Variants in AKR1C4 observed in about 807,000 individuals in gnomAD.
AKR1C4 encodes the protein 3-alpha-HSD1.
In AKR1C4, 44 loss-of-function variants were observed where a neutral mutation model predicts 41.0. The ratio of observed to expected loss-of-function variants is 1.07; its 90% CI spans 0.84 to 1.38. The LOEUF (loss-of-function observed/expected upper bound fraction) is 1.38, where lower values mean the gene tolerates loss of function less well. AKR1C4 is among the 40% of genes most tolerant of loss of function. AKR1C4 has a pLI of 0.00. For synonymous variants in AKR1C4, 165 were observed against 137.7 expected (o/e 1.20, Z -1.39); for missense variants, 438 against 387.9 (o/e 1.13, Z -1.09).
intron 1 of AKR1C4, among the ~76,000 whole-genome samples, chr10:5,197,869 G>A (rs1301462374): frequency 6.6e-6 from 1 of 152,154 alleles, no homozygotes; most frequent in African/African-American, 2.4e-5. Context: ...AGCACAACAC[G>A]GAAGCTCTAG....
intron 7 of AKR1C4, among the ~76,000 whole-genome samples, chr10:5,214,393 G>C (rs1832624450): frequency 6.6e-6 from 1 of 152,040 alleles, no homozygotes; most frequent in African/African-American, 2.4e-5. Flanking sequence ...TAATGGCTTG[G>C]CTAGTCCTGA....
At chr10:5,215,993 C>G (rs570555474) in intron 7 of AKR1C4, among the ~76,000 whole-genome samples, 33 of 152,232 alleles carry the variant, frequency 2.2e-4, no homozygotes, top group Admixed American at 2.1e-3. Context: ...CTATAAAGTA[C>G]CCGAGGCCAG....
intron 5 of AKR1C4, among the ~76,000 whole-genome samples, chr10:5,208,813 C>A (rs1002783244): frequency 6.7e-6 from 1 of 150,222 alleles, no homozygotes; most frequent in Non-Finnish European, 1.5e-5. Flanking sequence ...TATTAAGTAC[C>A]TGAAATTATA....
chr10:5,202,743 G>T (rs1243759202), intron 2 of AKR1C4, among the ~76,000 whole-genome samples: 6 of 152,006 alleles, frequency 3.9e-5, no homozygotes, highest in African/African-American at 1.4e-4. Context: ...ATGATCCTAT[G>T]GTTTTGGTTT....
intron 5 of AKR1C4, among the ~76,000 whole-genome samples, chr10:5,209,751 A>C (rs886633100): frequency 6.6e-6 from 1 of 152,204 alleles, no homozygotes; most frequent in Non-Finnish European, 1.5e-5. Flanking sequence ...CATCATGGGA[A>C]ATATCTGCCC....
At chr10:5,204,976 A>G (rs4881411) in intron 3 of AKR1C4, among the ~76,000 whole-genome samples, 148,798 of 152,334 alleles carry the variant, frequency 0.98, 72,771 homozygotes, top group Middle Eastern at 1. Flanking sequence ...ACTAAGGCTT[A>G]TTTCACAATG....
At chr10:5,197,590 T>C (rs563093755) in intron 1 of AKR1C4, among the ~76,000 whole-genome samples, 3 of 152,336 alleles carry the variant, frequency 2.0e-5, no homozygotes, top group African/African-American at 7.2e-5. Flanking sequence ...TTAATATGCA[T>C]CAGATTTGTA....
chr10:5,217,995 T>G (rs1588345346), intron 8 of AKR1C4, among the ~76,000 whole-genome samples: 1 of 152,156 alleles, frequency 6.6e-6, no homozygotes, highest in East Asian at 1.9e-4. Context: ...TCATAAGAAC[T>G]CAAACATTTT....
At chr10:5,206,456 G>A (rs931351434) in intron 5 of AKR1C4, 59 bp downstream of exon 5, 2 of 1,607,492 alleles carry the variant, frequency 1.2e-6, no homozygotes, top group African/African-American at 1.3e-5. Flanking sequence ...CTGTCCTACT[G>A]CCTGGCTTCC....
Position 5,216,435 on chromosome 10 carries a change from C to G in AKR1C4, c.847-276C>G, listed in dbSNP as rs1458353208. ...TCTGAATCTAAGTACATGAACCAAT[C>G]ATGTGCACATAAGGTCAACTTCGTT... On this transcript the variant is annotated intron_variant, in intron 7 of 8. Coordinates refer to ENST00000263126, the MANE Select transcript of AKR1C4 (RefSeq NM_001818.5). Among the ~76,000 whole-genome samples, 3 of 152,224 alleles carry G rather than the reference C, an allele frequency of 2.0e-5. No homozygotes were observed. In the East Asian group the frequency reaches 5.8e-4, roughly 29 times the overall value.
chr10:5,198,324 C>A lies in AKR1C4; in HGVS notation c.84+1373C>A, dbSNP rs147974169. ...CACAATAGACTGCCACCCGTAGATG[C>A]GCCTGTTTTCAAAGTTGGAGCCTGG... On this transcript the variant is annotated intron_variant, in intron 1 of 8. Coordinates refer to ENST00000263126, the MANE Select transcript of AKR1C4 (RefSeq NM_001818.5). Among the ~76,000 whole-genome samples the A allele has an allele frequency of 2.6e-5, 4 of 152,224 alleles. No homozygotes were observed. In the East Asian group the frequency reaches 7.7e-4, roughly 29 times the overall value.
Position 5,216,717 on chromosome 10 carries a change from G to T in AKR1C4, c.853G>T (p.Glu285Ter). ...TTTTCTACTTCTTTGGTAGGTTTTT[G>T]AATTCCAGTTGACATCAGAGGATAT... ...QRIRENIQVF[E>*]FQLTSEDMKV... The change falls in exon 8 of 9, where the codon GAA (glutamate) becomes TAA (stop). Residue 285 changes from glutamate to a stop codon, truncating the protein, a stop_gained. Transcript: ENST00000263126. LOFTEE classifies it high-confidence loss of function. 1 of 1,609,036 alleles carries T rather than the reference G, an allele frequency of 6.2e-7. No individual in the cohort carries two copies. Among genetic ancestry groups the T allele is most frequent in the South Asian group, 1.1e-5 (1 of 90,026 alleles).
intron 6 of AKR1C4, 50 bp downstream of exon 6, chr10:5,212,775 T>G: frequency 6.3e-7 from 1 of 1,576,920 alleles, no homozygotes; most frequent in Non-Finnish European, 8.7e-7. Context: ...TGATGAAAAA[T>G]TTTAGTTATA....
intron 1 of AKR1C4, 106 bp downstream of exon 1, chr10:5,197,057 C>G: frequency 9.1e-7 from 1 of 1,104,004 alleles, no homozygotes; most frequent in Non-Finnish European, 1.4e-6. Flanking sequence ...CTGAGTGACT[C>G]ACGTGGTCTG....
At chr10:5,212,584 A>C (rs782301077) in intron 5 of AKR1C4, 32 bp from the exon 6 acceptor site, 1 of 1,567,514 alleles carries the variant, frequency 6.4e-7, no homozygotes, top group Non-Finnish European at 8.7e-7. Flanking sequence ...GTTTTGAATT[A>C]TCTGATGCTT....
intron 1 of AKR1C4, among the ~76,000 whole-genome samples, chr10:5,199,597 G>A (rs982921829): frequency 6.6e-6 from 1 of 152,136 alleles, no homozygotes; most frequent in African/African-American, 2.4e-5. Context: ...GAAATGCACC[G>A]AAAGGCACCA....
In AKR1C4 at chr10:5,204,287, C is replaced by T. The variant is rs532678461; in HGVS notation, c.253-90C>T. 5.3e-5 allele frequency: 53 copies of T among 1,003,538 alleles called. 1 individual carries two copies. Among genetic ancestry groups the T allele is most frequent in the East Asian group, 1.7e-4 (7 of 41,900 alleles). The allele number at this position is 1,003,538 out of a possible 1,614,324, so 62.2% of individuals were successfully genotyped here. On this transcript the variant is annotated intron_variant, in intron 2 of 8. Transcript: ENST00000263126. The stretch of plus-strand genomic sequence containing the variant: ...TTTGCCAGAGGTCATCTGTTTGGAA[C>T]GGTGAAAAATGTCTAAATATTAGGT...
At chr10:5,204,652 C>T in intron 3 of AKR1C4, 159 bp downstream of exon 3, 1 of 763,708 alleles carries the variant, frequency 1.3e-6, no homozygotes, top group Non-Finnish European at 2.4e-6. Context: ...GTACAACCTT[C>T]CTTCTGTAAC....
intron 5 of AKR1C4, among the ~76,000 whole-genome samples, chr10:5,211,413 G>A (rs1832573871): frequency 6.6e-6 from 1 of 152,026 alleles, no homozygotes; most frequent in South Asian, 2.1e-4. Context: ...AAATTTCTTT[G>A]ACCAGATATC....
Sources: gnomAD v4.1 joint callset for allele counts (sites outside exome capture counted in the v4.1 genomes callset) on GRCh38, gnomAD v4.1.1 for gene constraint, MANE v1.5 for transcripts, NCBI Gene and HGNC (gene_info 2026-07-23, HGNC 2026-07-21) for gene names.